Variants in CDH12 observed in about 807,000 individuals in gnomAD.
The protein encoded by CDH12 is cadherin-12.
A neutral mutation model predicts 74.1 loss-of-function variants in CDH12; 41 were observed. The observed-to-expected ratio is 0.55, with a 90% CI of 0.43 to 0.72. CDH12 has a LOEUF of 0.72. Ranked by LOEUF, CDH12 falls within the 30% of genes least tolerant of loss-of-function variation. The pLI, the probability that CDH12 is intolerant of heterozygous loss-of-function variation, is 0.00. For missense variants in CDH12, 945 were observed against 977.2 expected, an observed-to-expected ratio of 0.97 and a Z score of 0.44; for synonymous variants, 399 against 355.0, an observed-to-expected ratio of 1.12 and a Z score of -1.39.
intron 1 of CDH12, among the ~76,000 whole-genome samples, chr5:22,557,492 TG>T (rs1472688927): frequency 6.6e-6 from 1 of 152,038 alleles, no homozygotes; most frequent in Non-Finnish European, 1.5e-5. Flanking sequence ...TAATGTGCAT[TG>T]GAAGTGATCT....
intron 5 of CDH12, among the ~76,000 whole-genome samples, chr5:22,064,383 A>T (rs1018414513): frequency 1.3e-5 from 2 of 152,124 alleles, no homozygotes; most frequent in Admixed American, 1.3e-4. Context: ...GAGTATTTTG[A>T]CTAATGTAAA....
At chr5:22,570,219 C>T (rs566411154) in intron 1 of CDH12, among the ~76,000 whole-genome samples, 2 of 151,942 alleles carry the variant, frequency 1.3e-5, no homozygotes, top group Non-Finnish European at 2.9e-5. Flanking sequence ...CCACACCTGG[C>T]TAATTTTTGT....
At chr5:21,870,577 G>A (rs1251760990) in intron 6 of CDH12, among the ~76,000 whole-genome samples, 1 of 152,118 alleles carries the variant, frequency 6.6e-6, no homozygotes, top group African/African-American at 2.4e-5. Flanking sequence ...AAATTACCCA[G>A]TCTTGGGTAT....
At chr5:21,924,813 G>A (rs1754516958) in intron 6 of CDH12, among the ~76,000 whole-genome samples, 1 of 152,086 alleles carries the variant, frequency 6.6e-6, no homozygotes, top group African/African-American at 2.4e-5. Context: ...TTATTCAAAT[G>A]TGGCCACTTT....
chr5:21,853,652 T>C (rs546676919), intron 7 of CDH12, among the ~76,000 whole-genome samples: 1 of 151,820 alleles, frequency 6.6e-6, no homozygotes, highest in Non-Finnish European at 1.5e-5. Flanking sequence ...ATCTAATTCG[T>C]ATACCAGATT....
intron 1 of CDH12, among the ~76,000 whole-genome samples, chr5:22,829,840 C>A (rs149126509): frequency 0.012 from 1,858 of 152,224 alleles, 45 homozygotes; most frequent in African/African-American, 0.043. Context: ...GTAGACACAC[C>A]TGAGCATGAG....
chr5:22,210,634 G>A (rs1034074559), intron 4 of CDH12, among the ~76,000 whole-genome samples: 39 of 151,980 alleles, frequency 2.6e-4, no homozygotes, highest in African/African-American at 9.2e-4. Flanking sequence ...GAGAGTAAAC[G>A]CAACCTTCAA....
chr5:22,382,841 ATTT>A (rs1464084141), intron 3 of CDH12, among the ~76,000 whole-genome samples: 7 of 132,092 alleles, frequency 5.3e-5, no homozygotes, highest in East Asian at 2.2e-4. Context: ...TATTATTATT[ATTT>A]TTTGAGACGG....
intron 8 of CDH12, among the ~76,000 whole-genome samples, chr5:21,832,574 TTTAG>T (rs1389133576): frequency 6.6e-6 from 1 of 151,178 alleles, no homozygotes; most frequent in East Asian, 1.9e-4. Flanking sequence ...TGTCTGTTTG[TTTAG>T]TTAGTTTAAA....
At chr5:22,214,536 T>C (rs1263214186) in intron 3 of CDH12, among the ~76,000 whole-genome samples, 1 of 152,174 alleles carries the variant, frequency 6.6e-6, no homozygotes, top group Non-Finnish European at 1.5e-5. Flanking sequence ...TACTTGTAAA[T>C]AACAGTGGGA....
At chr5:21,822,558 T>C (rs1043607204) in intron 8 of CDH12, among the ~76,000 whole-genome samples, 4 of 152,012 alleles carry the variant, frequency 2.6e-5, no homozygotes, top group Non-Finnish European at 5.9e-5. Flanking sequence ...ACTATCCTGA[T>C]AACAAAGCTG....
chr5:22,128,092 T>C (rs1745983797), intron 4 of CDH12, among the ~76,000 whole-genome samples: 1 of 152,164 alleles, frequency 6.6e-6, no homozygotes, highest in South Asian at 2.1e-4. Flanking sequence ...AAGTTCATTA[T>C]TGTTCTTCAC....
intron 5 of CDH12, among the ~76,000 whole-genome samples, chr5:22,078,125 CT>C (rs1488056175): frequency 4.6e-5 from 7 of 152,108 alleles, no homozygotes; most frequent in Admixed American, 1.3e-4. Context: ...TGATACTATA[CT>C]TCTAACTATG....
chr5:22,229,812 A>C (rs1469995179), intron 3 of CDH12, among the ~76,000 whole-genome samples: 1 of 152,014 alleles, frequency 6.6e-6, no homozygotes, highest in East Asian at 1.9e-4. Context: ...GCTTTGAGTC[A>C]ATAATCCCAG....
At chr5:22,351,870 T>C (rs1740368129) in intron 3 of CDH12, among the ~76,000 whole-genome samples, 1 of 152,194 alleles carries the variant, frequency 6.6e-6, no homozygotes, top group African/African-American at 2.4e-5. Flanking sequence ...CATTTTTTCT[T>C]ACTATCAGCT....
intron 3 of CDH12, among the ~76,000 whole-genome samples, chr5:22,341,128 C>T (rs530725287): frequency 6.6e-6 from 1 of 152,262 alleles, no homozygotes; most frequent in East Asian, 1.9e-4. Flanking sequence ...TTAAGAACTG[C>T]TTAATTTCTC....
chr5:22,713,828 T>C (rs1240459085), intron 1 of CDH12, among the ~76,000 whole-genome samples: 1 of 152,138 alleles, frequency 6.6e-6, no homozygotes, highest in Non-Finnish European at 1.5e-5. Context: ...CTTTTAAAAC[T>C]CAAACTTTCA....
intron 3 of CDH12, among the ~76,000 whole-genome samples, chr5:22,235,542 C>T (rs1205678505): frequency 1.3e-5 from 2 of 151,286 alleles, no homozygotes; most frequent in East Asian, 3.9e-4. Context: ...AATTGTGCCA[C>T]TGCACTCCAG....
chr5:22,067,341 C>T (rs899312647), intron 5 of CDH12, among the ~76,000 whole-genome samples: 3 of 152,134 alleles, frequency 2.0e-5, no homozygotes, highest in Non-Finnish European at 2.9e-5. Context: ...GAGATATCCC[C>T]GAAAAGGTGA....
Sources: allele counts gnomAD v4.1 joint callset (sites outside exome capture counted in the v4.1 genomes callset), GRCh38; gene constraint gnomAD v4.1.1; transcripts MANE v1.5; gene names NCBI Gene and HGNC (gene_info 2026-07-23, HGNC 2026-07-21).